The following TSPAN18 variants were observed in gnomAD, a reference collection of about 807,000 sequenced individuals.
TSPAN18 encodes the protein tetraspanin-18.
Under a neutral mutation model 27.3 loss-of-function variants are expected in TSPAN18, and 14 were observed. That is an observed-to-expected ratio of 0.51 (90% CI 0.34 to 0.80). The LOEUF (loss-of-function observed/expected upper bound fraction) is 0.80, where lower values mean the gene tolerates loss of function less well. Among genes scored for constraint, TSPAN18 ranks in the 30% least tolerant of loss-of-function variants. TSPAN18 has a pLI of 0.01. For missense variants in TSPAN18, 268 were observed against 323.9 expected, an observed-to-expected ratio of 0.83 and a Z score of 1.32; for synonymous variants, 143 against 136.5, an observed-to-expected ratio of 1.05 and a Z score of -0.33.
intron 2 of TSPAN18, among the ~76,000 whole-genome samples, chr11:44,817,811 C>T (rs77025885): frequency 0.024 from 3,641 of 152,350 alleles, 145 homozygotes; most frequent in African/African-American, 0.084. Flanking sequence ...TGGTGTCCAA[C>T]CCATCTACTT....
chr11:44,824,877 T>C (rs1051163461), intron 2 of TSPAN18, among the ~76,000 whole-genome samples: 3 of 152,238 alleles, frequency 2.0e-5, no homozygotes, highest in Admixed American at 6.5e-5. Context: ...CTACAGATGT[T>C]GACTGGCACC....
chr11:44,746,891 A>T (rs960345209), intron 1 of TSPAN18, among the ~76,000 whole-genome samples: 2 of 152,182 alleles, frequency 1.3e-5, no homozygotes, highest in Admixed American at 1.3e-4. Context: ...CCTTGTGCCT[A>T]TCAGGAAGGG....
At chr11:44,919,789 C>T (rs201359794) in intron 7 of TSPAN18, 28 bp from the exon 8 acceptor site, 4 of 1,612,728 alleles carry the variant, frequency 2.5e-6, no homozygotes, top group Non-Finnish European at 3.4e-6. Context: ...TCCTGCCCAC[C>T]AGAACCTTCT....
intron 1 of TSPAN18, among the ~76,000 whole-genome samples, chr11:44,760,431 A>C (rs1399889145): frequency 6.6e-6 from 1 of 152,202 alleles, no homozygotes; most frequent in African/African-American, 2.4e-5. Context: ...TGGGAAATAG[A>C]CAAGAGTCTT....
intron 2 of TSPAN18, among the ~76,000 whole-genome samples, chr11:44,811,175 C>CACAG (rs1554986590): frequency 3.3e-5 from 5 of 149,426 alleles, no homozygotes; most frequent in African/African-American, 1.2e-4. Flanking sequence ...CACACACACA[C>CACAG]CCCTGCCTGT....
intron 2 of TSPAN18, among the ~76,000 whole-genome samples, chr11:44,833,496 C>T (rs1857197334): frequency 6.6e-6 from 1 of 152,162 alleles, no homozygotes; most frequent in Non-Finnish European, 1.5e-5. Flanking sequence ...TTCCTGTTAT[C>T]ACCAAATGAC....
At position 44,929,206 on chromosome 11, in the gene TSPAN18, G is replaced by C; in HGVS notation, c.*28G>C. The C allele has an allele frequency of 1.2e-6, 2 of 1,612,996 alleles. No homozygotes were observed. Among genetic ancestry groups the C allele is most frequent in the Non-Finnish European group, 1.7e-6 (2 of 1,179,922 alleles). On this transcript the variant is annotated 3_prime_UTR_variant, in exon 10 of 10. Transcript: ENST00000520358. ...GGTATGGCCTGAAGCCTGAAGACTCGCCCCACCCACCACTGCCCAGCACCC... is the reference window on the plus strand; with the variant it reads ...GGTATGGCCTGAAGCCTGAAGACTCCCCCCACCCACCACTGCCCAGCACCC...
At chr11:44,891,451 A>G (rs879835505) in intron 3 of TSPAN18, among the ~76,000 whole-genome samples, 1 of 152,164 alleles carries the variant, frequency 6.6e-6, no homozygotes, top group Non-Finnish European at 1.5e-5. Context: ...TCTTGTAAGG[A>G]CCTGTATGCC....
chr11:44,914,563 A>G (rs377440677), intron 5 of TSPAN18, among the ~76,000 whole-genome samples: 1 of 152,194 alleles, frequency 6.6e-6, no homozygotes, highest in Non-Finnish European at 1.5e-5. Flanking sequence ...TTTGCAGGCC[A>G]TGTAGAAACC....
chr11:44,840,151 G>A (rs1402289124), intron 2 of TSPAN18, among the ~76,000 whole-genome samples: 1 of 152,160 alleles, frequency 6.6e-6, no homozygotes, highest in Non-Finnish European at 1.5e-5. Flanking sequence ...GTTGTTTGAG[G>A]GCTCAGTTTG....
intron 3 of TSPAN18, 116 bp downstream of exon 3, chr11:44,860,585 G>C (rs1209985515): frequency 6.6e-6 from 1 of 152,236 alleles, no homozygotes; most frequent in African/African-American, 2.4e-5. Context: ...ATGCATCAGT[G>C]TCTGTCTCTC....
intron 2 of TSPAN18, among the ~76,000 whole-genome samples, chr11:44,846,944 G>A (rs970607122): frequency 3.3e-5 from 5 of 152,128 alleles, no homozygotes; most frequent in African/African-American, 4.8e-5. Flanking sequence ...AACTCCAGGG[G>A]CATTCATAGT....
intron 2 of TSPAN18, among the ~76,000 whole-genome samples, chr11:44,785,944 C>T (rs1232368490): frequency 6.6e-6 from 1 of 152,240 alleles, no homozygotes; most frequent in Non-Finnish European, 1.5e-5. Flanking sequence ...CTTAACTCTT[C>T]CTGTTTCCCT....
chr11:44,759,500 T>C (rs1855403236), intron 1 of TSPAN18, among the ~76,000 whole-genome samples: 1 of 152,224 alleles, frequency 6.6e-6, no homozygotes, highest in Non-Finnish European at 1.5e-5. Context: ...TTTCTCACCA[T>C]TAACCTAGTT....
intron 2 of TSPAN18, among the ~76,000 whole-genome samples, chr11:44,786,800 T>C (rs1336019091): frequency 6.6e-6 from 1 of 151,858 alleles, no homozygotes; most frequent in Non-Finnish European, 1.5e-5. Context: ...CCCTGCTAAG[T>C]TGTGTATTTT....
chr11:44,923,138 C>T (rs1268698819), intron 8 of TSPAN18, among the ~76,000 whole-genome samples: 1 of 152,126 alleles, frequency 6.6e-6, no homozygotes, highest in Non-Finnish European at 1.5e-5. Flanking sequence ...GCCTTTGGAA[C>T]AGCTGAGCAG....
chr11:44,760,466 G>T (rs1387842816), intron 1 of TSPAN18, among the ~76,000 whole-genome samples: 1 of 152,228 alleles, frequency 6.6e-6, no homozygotes, highest in Admixed American at 6.5e-5. Context: ...GTTGCACAGG[G>T]ATGCTCTGTT....
intron 2 of TSPAN18, among the ~76,000 whole-genome samples, chr11:44,775,533 C>T (rs904971256): frequency 6.6e-6 from 1 of 152,122 alleles, no homozygotes. Flanking sequence ...AGGCACGTTT[C>T]ATTGCCAGCC....
intron 2 of TSPAN18, among the ~76,000 whole-genome samples, chr11:44,825,344 C>G (rs930113757): frequency 1.3e-5 from 2 of 152,212 alleles, no homozygotes; most frequent in Non-Finnish European, 2.9e-5. Context: ...CCCCATTTCA[C>G]AAATGAGAAG....
Sources: gnomAD v4.1 joint callset for allele counts (sites outside exome capture counted in the v4.1 genomes callset) on GRCh38, gnomAD v4.1.1 for gene constraint, MANE v1.5 for transcripts, NCBI Gene and HGNC (gene_info 2026-07-23, HGNC 2026-07-21) for gene names.